The following PDZD2 variants were observed in gnomAD, a reference collection of about 807,000 sequenced individuals.
PDZD2 encodes PDZ domain containing 2, also known as PDZ domain-containing protein 2.
PDZD2 carries 90 observed loss-of-function variants against 220.7 expected under a neutral mutation model. The observed-to-expected ratio is 0.41, with a 90% CI of 0.34 to 0.49. PDZD2 has a LOEUF of 0.49. PDZD2 is among the 20% of genes least tolerant of loss of function. The pLI, the probability that PDZD2 is intolerant of heterozygous loss-of-function variation, is 0.28. For missense variants in PDZD2, 3,174 were observed against 3,608.5 expected, an observed-to-expected ratio of 0.88 and a Z score of 3.08; for synonymous variants, 1,375 against 1,450.5, an observed-to-expected ratio of 0.95 and a Z score of 1.18.
At chr5:32,059,392 T>C (rs1379505564) in intron 13 of PDZD2, 36 bp downstream of exon 13, 28 of 1,041,044 alleles carry the variant, frequency 2.7e-5, no homozygotes, top group Non-Finnish European at 4.0e-5. Context: ...GGTTCTGGAG[T>C]GTTCATAAAT....
At chr5:32,077,153 A>C (rs78253011) in intron 18 of PDZD2, among the ~76,000 whole-genome samples, 3,882 of 152,304 alleles carry the variant, frequency 0.025, 75 homozygotes, top group Non-Finnish European at 0.042. Context: ...AATACCTTAC[A>C]TCTGTCTAGC....
At chr5:31,917,369 A>G (rs1269860819) in intron 2 of PDZD2, among the ~76,000 whole-genome samples, 1 of 152,108 alleles carries the variant, frequency 6.6e-6, no homozygotes, top group Non-Finnish European at 1.5e-5. Flanking sequence ...CCCTGTTGCT[A>G]CAAAAAATAC....
intron 1 of PDZD2, among the ~76,000 whole-genome samples, chr5:31,770,588 T>C (rs1176525527): frequency 6.6e-6 from 1 of 152,138 alleles, no homozygotes; most frequent in Non-Finnish European, 1.5e-5. Flanking sequence ...ACCCAGAGTA[T>C]GTTCTAATTC....
intron 1 of PDZD2, among the ~76,000 whole-genome samples, chr5:31,796,907 T>C (rs1235047130): frequency 2.0e-5 from 3 of 150,244 alleles, no homozygotes. Context: ...ATTTACGGGG[T>C]TTTTTTTGTT....
chr5:31,706,671 C>A (rs902128421), intron 1 of PDZD2, among the ~76,000 whole-genome samples: 1 of 151,984 alleles, frequency 6.6e-6, no homozygotes, highest in Admixed American at 6.6e-5. Context: ...TGGTGAAACC[C>A]CGTCTCTATT....
chr5:31,849,997 T>G (rs1174623189), intron 2 of PDZD2, among the ~76,000 whole-genome samples: 1 of 83,954 alleles, frequency 1.2e-5, no homozygotes, highest in Non-Finnish European at 2.3e-5. Context: ...TATATACACA[T>G]ATATATATAT....
At chr5:31,784,321 TA>T (rs1753250791) in intron 1 of PDZD2, among the ~76,000 whole-genome samples, 1 of 152,136 alleles carries the variant, frequency 6.6e-6, no homozygotes, top group Non-Finnish European at 1.5e-5. Context: ...AACTTAGACA[TA>T]AGGAAGTCAA....
chr5:31,737,178 T>TC (rs1749918596), intron 1 of PDZD2, among the ~76,000 whole-genome samples: 1 of 137,132 alleles, frequency 7.3e-6, no homozygotes, highest in African/African-American at 2.8e-5. Context: ...TTTTTTTTTT[T>TC]TTTTTTTTTT....
chr5:31,652,767 T>C (rs914010561), intron 1 of PDZD2, among the ~76,000 whole-genome samples: 2 of 152,236 alleles, frequency 1.3e-5, no homozygotes, highest in South Asian at 2.1e-4. Flanking sequence ...TCCCAGCACT[T>C]TGGGAGGCCA....
chr5:31,783,692 T>C (rs145054838), intron 1 of PDZD2, among the ~76,000 whole-genome samples: 166 of 151,874 alleles, frequency 1.1e-3, no homozygotes, highest in African/African-American at 3.9e-3. Flanking sequence ...TGCCTGAGAG[T>C]GTCTATTTCC....
chr5:31,892,187 G>A (rs1235755814), intron 2 of PDZD2, among the ~76,000 whole-genome samples: 1 of 152,078 alleles, frequency 6.6e-6, no homozygotes, highest in Non-Finnish European at 1.5e-5. Context: ...TGGGATTACA[G>A]GCATGAGACA....
chr5:31,876,038 T>C (rs929624340), intron 2 of PDZD2, among the ~76,000 whole-genome samples: 25 of 152,310 alleles, frequency 1.6e-4, no homozygotes, highest in Admixed American at 7.8e-4. Flanking sequence ...AAGTTATTAA[T>C]TGGGAAATAT....
At chr5:32,079,528 C>T (rs960921977) in intron 19 of PDZD2, among the ~76,000 whole-genome samples, 10 of 151,698 alleles carry the variant, frequency 6.6e-5, no homozygotes, top group Admixed American at 3.3e-4. Flanking sequence ...AAATGTGGGC[C>T]GGGTGCCGTG....
At chr5:31,918,842 A>G (rs1402074019) in intron 2 of PDZD2, among the ~76,000 whole-genome samples, 2 of 152,064 alleles carry the variant, frequency 1.3e-5, no homozygotes, top group Non-Finnish European at 2.9e-5. Context: ...TGTTTTGTGT[A>G]GCTTTTCCAG....
chr5:31,674,559 T>C (rs1746332845), intron 1 of PDZD2, among the ~76,000 whole-genome samples: 1 of 152,156 alleles, frequency 6.6e-6, no homozygotes, highest in Admixed American at 6.5e-5. Context: ...ATTAGAACAG[T>C]GAAGGCGCAA....
At chr5:31,892,767 C>T (rs942221722) in intron 2 of PDZD2, among the ~76,000 whole-genome samples, 15 of 151,476 alleles carry the variant, frequency 9.9e-5, no homozygotes, top group Non-Finnish European at 1.8e-4. Flanking sequence ...GGGGGGGTCT[C>T]ACTATGTTGC....
intron 2 of PDZD2, among the ~76,000 whole-genome samples, chr5:31,909,487 G>A (rs780428484): frequency 2.6e-5 from 4 of 152,034 alleles, no homozygotes; most frequent in South Asian, 2.1e-4. Flanking sequence ...AATTTTCTAC[G>A]CTGATTAAAA....
chr5:31,704,030 T>G (rs1380089858), intron 1 of PDZD2, among the ~76,000 whole-genome samples: 1 of 151,490 alleles, frequency 6.6e-6, no homozygotes, highest in Non-Finnish European at 1.5e-5. Flanking sequence ...TTCCTTCCTT[T>G]CTTTCTTGAT....
At chr5:31,671,798 C>T (rs4867364) in intron 1 of PDZD2, among the ~76,000 whole-genome samples, 6,572 of 152,318 alleles carry the variant, frequency 0.043, 191 homozygotes, top group East Asian at 0.08. Context: ...CTGGGGCCCA[C>T]CCCTGCAAAG....
Sources: gnomAD v4.1 joint callset for allele counts (sites outside exome capture counted in the v4.1 genomes callset) on GRCh38, gnomAD v4.1.1 for gene constraint, MANE v1.5 for transcripts, NCBI Gene and HGNC (gene_info 2026-07-23, HGNC 2026-07-21) for gene names.